The following USH2A variants were observed in gnomAD, a reference collection of about 807,000 sequenced individuals.
USH2A encodes usherin.
Under a neutral mutation model 538.9 loss-of-function variants are expected in USH2A, and 443 were observed. The observed-to-expected ratio is 0.82, with a 90% CI of 0.76 to 0.89. The LOEUF (loss-of-function observed/expected upper bound fraction) is 0.89. Among genes scored for constraint, USH2A ranks in the 40% least tolerant of loss-of-function variants. The probability of loss-of-function intolerance (pLI) is 0.00; values close to 1 mark genes in which losing one functional copy is unlikely to be tolerated. For missense variants in USH2A, 6,633 were observed against 6,324.8 expected, an observed-to-expected ratio of 1.05 and a Z score of -1.65; for synonymous variants, 2,413 against 2,273.5, an observed-to-expected ratio of 1.06 and a Z score of -1.75.
chr1:216,231,859 A>T (rs1343796674), intron 14 of USH2A, 94 bp downstream of exon 14: 11 of 1,523,088 alleles, frequency 7.2e-6, no homozygotes, highest in Middle Eastern at 1.9e-4. Flanking sequence ...GGCAAAAAAA[A>T]TACTTTTTAC....
chr1:215,963,441 C>T (rs1667250835), intron 37 of USH2A, among the ~76,000 whole-genome samples: 2 of 152,180 alleles, frequency 1.3e-5, no homozygotes, highest in East Asian at 1.9e-4. Flanking sequence ...GAGTTGAACC[C>T]GTACCGCAAA....
chr1:216,271,989 G>A (rs191588444), intron 11 of USH2A, among the ~76,000 whole-genome samples: 46 of 152,162 alleles, frequency 3.0e-4, no homozygotes, highest in African/African-American at 1.1e-3. Context: ...GCTTTGTTAG[G>A]TTATGGGATT....
chr1:216,194,753 A>C (rs569416054), intron 19 of USH2A, among the ~76,000 whole-genome samples: 1 of 152,250 alleles, frequency 6.6e-6, no homozygotes, highest in East Asian at 1.9e-4. Flanking sequence ...TGACCTCTTC[A>C]CATTCTGAAG....
chr1:215,629,121 G>T, intron 70 of USH2A, 86 bp from the exon 71 acceptor site: 1 of 1,335,458 alleles, frequency 7.5e-7, no homozygotes, highest in Non-Finnish European at 1.1e-6. Context: ...CACATTGTCA[G>T]TGAAGGGAAT....
At chr1:216,048,084 T>C (rs2030597519) in intron 31 of USH2A, among the ~76,000 whole-genome samples, 1 of 152,200 alleles carries the variant, frequency 6.6e-6, no homozygotes, top group Non-Finnish European at 1.5e-5. Flanking sequence ...CATACTGAAA[T>C]AATTGTTGCC....
intron 15 of USH2A, among the ~76,000 whole-genome samples, chr1:216,210,487 C>G (rs190913559): frequency 6.6e-6 from 1 of 152,238 alleles, no homozygotes; most frequent in East Asian, 1.9e-4. Context: ...ATATGAAGGG[C>G]TGAAGCAGCT....
At chr1:216,255,467 T>C (rs1177332830) in intron 11 of USH2A, among the ~76,000 whole-genome samples, 3 of 152,236 alleles carry the variant, frequency 2.0e-5, no homozygotes, top group Non-Finnish European at 2.9e-5. Context: ...TAATTCCTCT[T>C]TGGGTTTCCT....
At chr1:215,947,633 A>G (rs761234294) in intron 37 of USH2A, among the ~76,000 whole-genome samples, 35 of 152,198 alleles carry the variant, frequency 2.3e-4, no homozygotes, top group Non-Finnish European at 4.4e-5. Context: ...TTGAATTCAT[A>G]GTCCTAAGAA....
intron 36 of USH2A, among the ~76,000 whole-genome samples, chr1:215,967,102 T>C (rs1307827792): frequency 6.6e-6 from 1 of 152,324 alleles, no homozygotes; most frequent in South Asian, 2.1e-4. Context: ...TGGGAACCTC[T>C]CTTGACACAG....
chr1:216,319,916 A>T (rs2037574511), intron 9 of USH2A, among the ~76,000 whole-genome samples: 1 of 152,184 alleles, frequency 6.6e-6, no homozygotes. Context: ...TGAAGTAACT[A>T]ACTAAAACAC....
At chr1:216,372,073 G>T (rs1009852370) in intron 3 of USH2A, among the ~76,000 whole-genome samples, 1 of 152,150 alleles carries the variant, frequency 6.6e-6, no homozygotes, top group African/African-American at 2.4e-5. Flanking sequence ...TAACCAGGTG[G>T]GTGGCCCACA....
chr1:215,990,515 C>T (rs1254624730), intron 35 of USH2A, among the ~76,000 whole-genome samples: 1 of 152,132 alleles, frequency 6.6e-6, no homozygotes, highest in African/African-American at 2.4e-5. Flanking sequence ...GATTTATGGT[C>T]CTTAGCATCT....
chr1:215,633,766 T>C (rs1015896113), intron 70 of USH2A, among the ~76,000 whole-genome samples: 36 of 152,248 alleles, frequency 2.4e-4, no homozygotes, highest in Admixed American at 2.2e-3. Flanking sequence ...CAGGTAGACA[T>C]AGCCCCACAC....
chr1:216,030,657 A>T (rs1383942628), intron 32 of USH2A, among the ~76,000 whole-genome samples: 5 of 147,696 alleles, frequency 3.4e-5, no homozygotes, highest in Non-Finnish European at 7.5e-5. Context: ...TATATATATA[A>T]ATCAAAATAC....
At chr1:215,882,677 CTCTT>C (rs1488398305) in intron 41 of USH2A, among the ~76,000 whole-genome samples, 2 of 152,054 alleles carry the variant, frequency 1.3e-5, no homozygotes, top group African/African-American at 4.8e-5. Flanking sequence ...AGGTCTCTCT[CTCTT>C]TCTCTTTTAT....
chr1:215,792,802 C>T (rs1203958256), intron 50 of USH2A, among the ~76,000 whole-genome samples: 2 of 152,132 alleles, frequency 1.3e-5, no homozygotes, highest in Admixed American at 6.6e-5. Flanking sequence ...CTTTGACACA[C>T]GGAATGCACG....
chr1:216,014,960 T>A (rs1226126864), intron 32 of USH2A, among the ~76,000 whole-genome samples: 1 of 152,228 alleles, frequency 6.6e-6, no homozygotes, highest in Non-Finnish European at 1.5e-5. Context: ...ATCTTCTTAT[T>A]TGTTTCTACC....
chr1:215,950,504 C>CTTTT (rs11326101), intron 37 of USH2A, among the ~76,000 whole-genome samples: 1 of 131,268 alleles, frequency 7.6e-6, no homozygotes, highest in Non-Finnish European at 1.6e-5. Context: ...TAATTGCTAC[C>CTTTT]TTTTTTTTTT....
intron 4 of USH2A, among the ~76,000 whole-genome samples, chr1:216,328,462 T>C (rs564568305): frequency 6.6e-6 from 1 of 152,088 alleles, no homozygotes; most frequent in South Asian, 2.1e-4. Context: ...TTTTGTTATA[T>C]TTTTAATAAC....
Sources: gnomAD v4.1 joint callset for allele counts (sites outside exome capture counted in the v4.1 genomes callset) on GRCh38, gnomAD v4.1.1 for gene constraint, MANE v1.5 for transcripts, NCBI Gene and HGNC (gene_info 2026-07-23, HGNC 2026-07-21) for gene names.